The following TMEM127 variants were observed in gnomAD, a reference collection of about 807,000 sequenced individuals.
TMEM127 encodes the protein transmembrane protein 127.
In TMEM127, 21 loss-of-function variants were observed where a neutral mutation model predicts 20.1. The ratio of observed to expected loss-of-function variants is 1.04; its 90% CI spans 0.74 to 1.50. The LOEUF is 1.50. TMEM127 is among the 40% of genes most tolerant of loss of function. The pLI, the probability that TMEM127 is intolerant of heterozygous loss-of-function variation, is 0.00. For missense variants in TMEM127, 303 were observed against 317.4 expected, an observed-to-expected ratio of 0.95 and a Z score of 0.34; for synonymous variants, 150 against 144.7, an observed-to-expected ratio of 1.04 and a Z score of -0.26.
chr2:96,265,498 G>T lies in TMEM127; in HGVS notation c.-117C>A. The T allele has an allele frequency of 8.0e-7, 1 of 1,248,194 alleles. No individual in the cohort carries two copies. The highest frequency in any genetic ancestry group is 1.0e-6 in the Non-Finnish European group (1 of 993,402). The allele number at this position is 1,248,194 out of a possible 1,614,324, so 77.3% of individuals were successfully genotyped here. ...GCAACGCTCCGGGTTCGCTGCAGGT[G>T]AAGCCGGGACTGGGCTGTCAGGGTT... is the stretch of plus-strand genomic sequence containing the variant. On this transcript the variant is annotated 5_prime_UTR_variant, in exon 2 of 4. Transcript: ENST00000258439.
chr2:96,255,838 G>A (rs575251599), intron 2 of TMEM127, among the ~76,000 whole-genome samples: 1 of 152,006 alleles, frequency 6.6e-6, no homozygotes, highest in Non-Finnish European at 1.5e-5. Flanking sequence ...AAATTAGCTG[G>A]GCATGGTGGC....
chr2:96,263,823 G>GT (rs1348595320), intron 2 of TMEM127, among the ~76,000 whole-genome samples: 1 of 152,118 alleles, frequency 6.6e-6, no homozygotes, highest in Non-Finnish European at 1.5e-5. Context: ...TGGTGGGAAG[G>GT]TGGTATGTGT....
intron 2 of TMEM127, among the ~76,000 whole-genome samples, chr2:96,264,058 C>G (rs1684364157): frequency 6.6e-6 from 1 of 152,212 alleles, no homozygotes; most frequent in African/African-American, 2.4e-5. Flanking sequence ...CAAAATCACC[C>G]TACAGCTTCT....
rs1573969123 is a variant in TMEM127, at chr2:96,253,941, A to G, written c.584T>C (p.Leu195Pro). Residue 195 changes from leucine (L) to proline (P), a missense_variant, in exon 4 of 4, where the codon CTC becomes CCC. Transcript: ENST00000258439. This position sits in a 1 kb window ranked among gnomAD's most constrained non-coding sequence, Gnocchi z 4.3. Reference sequence around the variant, plus strand: ...TTCCTCTGTGGGGTAGTGGCGCAGGAGGTTGGCTGCCGTGGCCAGGATTGA... The same window carrying G: ...TTCCTCTGTGGGGTAGTGGCGCAGGGGGTTGGCTGCCGTGGCCAGGATTGA... ...GASILATAAN[L>P]LRHYPTEEEE... is the part of the protein sequence containing the mutation. 1.2e-6 allele frequency: 2 copies of G among 1,613,952 alleles called. No individual in the cohort carries two copies. The highest frequency in any genetic ancestry group is 1.7e-6 in the Non-Finnish European group (2 of 1,179,910).
In TMEM127 at chr2:96,251,306, T is replaced by C; in HGVS notation, c.*2502A>G. ...GCCAAGGTGGGTGGATAACCTGAGGTTAGGAGTTCCAGACCAGCCTGGCCA... is the reference window on the plus strand; with the variant it reads ...GCCAAGGTGGGTGGATAACCTGAGGCTAGGAGTTCCAGACCAGCCTGGCCA... On this transcript the variant is annotated 3_prime_UTR_variant, in exon 4 of 4. Coordinates refer to ENST00000258439, the MANE Select transcript of TMEM127 (RefSeq NM_017849.4). 1 of 197,708 alleles carries C rather than the reference T, an allele frequency of 5.1e-6. No individual in the cohort carries two copies. The highest frequency in any genetic ancestry group is 6.1e-5 in the Admixed American group (1 of 16,520). The allele number at this position is 197,708 out of a possible 1,614,324, so 12.2% of individuals were successfully genotyped here. A position where few individuals can be genotyped will look rare whatever the true frequency, so the allele number is the denominator to read the frequency against.
At position 96,265,252 on chromosome 2, in the gene TMEM127, G is replaced by T. The variant is rs754493061; in HGVS notation, c.130C>A (p.Leu44Met). ...GCGGGCTCGGCGAGGGCAGTGCACAGCGCCGTGATAGACAGGGCGCCAGGC... is the reference window on the plus strand; with the variant it reads ...GCGGGCTCGGCGAGGGCAGTGCACATCGCCGTGATAGACAGGGCGCCAGGC... ...ALPGALSITA[L>M]CTALAEPAWL... The change falls in exon 2 of 4, where the codon CTG (leucine) becomes ATG (methionine). Residue 44 changes from leucine to methionine, a missense_variant. Transcript: ENST00000258439. 1 of 1,592,946 alleles carries T rather than the reference G, an allele frequency of 6.3e-7. No homozygotes were observed.
Position 96,265,179 on chromosome 2 carries a change from A to AC in TMEM127, c.202dup (p.Val68GlyfsTer40), listed in dbSNP as rs1684388744. ...GTGCACATAGCCCAACACGTCGGAG[A>AC]CCCCCAGCTCCTGGCGCGAACAGGT... On this transcript the variant is annotated frameshift_variant, in exon 2 of 4. Coordinates refer to ENST00000258439, the MANE Select transcript of TMEM127 (RefSeq NM_017849.4). LOFTEE classifies it high-confidence loss of function. 4 of 1,610,636 alleles carry AC rather than the reference A, an allele frequency of 2.5e-6. No homozygotes were observed. Among genetic ancestry groups the AC allele is most frequent in the Non-Finnish European group, 3.4e-6 (4 of 1,179,348 alleles).
At position 96,253,244 on chromosome 2, in the gene TMEM127, T is replaced by A. The variant is rs988323352; in HGVS notation, c.*564A>T. 8.5e-6 allele frequency: 2 copies of A among 234,578 alleles called. No homozygotes were observed. The highest frequency in any genetic ancestry group is 3.6e-4 in the South Asian group (2 of 5,578). 14.5% of individuals were successfully genotyped at this position (234,578 alleles called of 1,614,324 possible). On this transcript the variant is annotated 3_prime_UTR_variant, in exon 4 of 4. Coordinates refer to ENST00000258439, the MANE Select transcript of TMEM127 (RefSeq NM_017849.4). This position sits in a 1 kb window ranked among gnomAD's most constrained non-coding sequence, Gnocchi z 4.3. ...CTGCCTTCCCAACAGCGATTCCCTC[T>A]CCCCATAAAACCAGGGCACACGTGA...
chr2:96,259,700 A>G (rs182183756), intron 2 of TMEM127, among the ~76,000 whole-genome samples: 10 of 152,320 alleles, frequency 6.6e-5, no homozygotes, highest in Non-Finnish European at 1.2e-4. Flanking sequence ...TCCTAGCTCT[A>G]GCAGAGACTG....
intron 2 of TMEM127, among the ~76,000 whole-genome samples, chr2:96,256,438 G>A (rs1415895352): frequency 1.3e-5 from 2 of 151,622 alleles, no homozygotes; most frequent in South Asian, 2.1e-4. Flanking sequence ...GGGCGTGGTG[G>A]TGCATGCCTG....
At position 96,253,792 on chromosome 2, in the gene TMEM127, G is replaced by C. The variant is rs1251288941; in HGVS notation, c.*16C>G. The C allele has an allele frequency of 7.5e-6, 12 of 1,598,156 alleles. No individual in the cohort carries two copies. Among genetic ancestry groups the C allele is most frequent in the Middle Eastern group, 1.7e-4 (1 of 5,970 alleles). On this transcript the variant is annotated 3_prime_UTR_variant, in exon 4 of 4. Transcript: ENST00000258439. The surrounding 1 kb of genome is among the most constrained non-coding windows in gnomAD (Gnocchi z 4.3). ...TTGAGGGAGGGGCTGCCGAGGAAGAGAGCCCAGGGCTGGCATTAGGGTGTG... is the reference window on the plus strand; with the variant it reads ...TTGAGGGAGGGGCTGCCGAGGAAGACAGCCCAGGGCTGGCATTAGGGTGTG...
intron 2 of TMEM127, among the ~76,000 whole-genome samples, chr2:96,260,030 C>T (rs1684283541): frequency 6.6e-6 from 1 of 152,246 alleles, no homozygotes; most frequent in African/African-American, 2.4e-5. Flanking sequence ...GACTTTTGAC[C>T]TAAAACTCCA....
chr2:96,250,482 C>T lies in TMEM127; in HGVS notation c.*3326G>A, dbSNP rs1219910114. On this transcript the variant is annotated 3_prime_UTR_variant, in exon 4 of 4. Coordinates refer to ENST00000258439, the MANE Select transcript of TMEM127 (RefSeq NM_017849.4). ...TCTCCTGAACTAAGGACATAAAATC[C>T]TTGCAGACAGGGTCCTGTCCGTCAC... is the stretch of plus-strand genomic sequence containing the variant. 2 of 232,858 alleles carry T rather than the reference C, an allele frequency of 8.6e-6. No homozygotes were observed. The highest frequency in any genetic ancestry group is 2.2e-5 in the African/African-American group (1 of 45,334). The allele number at this position is 232,858 out of a possible 1,614,324, so 14.4% of individuals were successfully genotyped here.
intron 2 of TMEM127, among the ~76,000 whole-genome samples, chr2:96,262,868 G>A (rs1684336788): frequency 1.3e-5 from 2 of 152,058 alleles, no homozygotes; most frequent in South Asian, 4.1e-4. Context: ...TAGTTGAGAT[G>A]GGGTTTCACC....
At chr2:96,255,964 C>T (rs773144967) in intron 2 of TMEM127, among the ~76,000 whole-genome samples, 1 of 151,702 alleles carries the variant, frequency 6.6e-6, no homozygotes, top group Non-Finnish European at 1.5e-5. Context: ...CCGAGAGAGA[C>T]CCTGTCTCTT....
At chr2:96,257,138 A>G (rs1441836127) in intron 2 of TMEM127, among the ~76,000 whole-genome samples, 1 of 152,212 alleles carries the variant, frequency 6.6e-6, no homozygotes, top group Non-Finnish European at 1.5e-5. Flanking sequence ...TCCCTCCAGT[A>G]CTTTAGCCAT....
In TMEM127 at chr2:96,252,454, A is replaced by G. The variant is rs1038502463; in HGVS notation, c.*1354T>C. 1 of 233,720 alleles carries G rather than the reference A, an allele frequency of 4.3e-6. No homozygotes were observed. The highest frequency in any genetic ancestry group is 6.0e-5 in the East Asian group (1 of 16,612). 14.5% of individuals were successfully genotyped at this position (233,720 alleles called of 1,614,324 possible). ...CTTTATGCCCAGATCTCAGGGCAGA[A>G]AATTCAGCCAGACCCAGAGCAAACA... On this transcript the variant is annotated 3_prime_UTR_variant, in exon 4 of 4. Coordinates refer to ENST00000258439, the MANE Select transcript of TMEM127 (RefSeq NM_017849.4). This position sits in a 1 kb window ranked among gnomAD's most constrained non-coding sequence, Gnocchi z 4.2.
In TMEM127 at chr2:96,248,790, AG is replaced by A. The variant is rs1558749322; in HGVS notation, c.*5017del. ...CCCTGCACCTTCAGGCCCCATTCTCAGACACCTGTACAACCCCTTAAGCCAG... is the reference window on the plus strand; with the variant it reads ...CCCTGCACCTTCAGGCCCCATTCTCAACACCTGTACAACCCCTTAAGCCAG... On this transcript the variant is annotated 3_prime_UTR_variant, in exon 4 of 4. Transcript: ENST00000258439. 2 of 231,666 alleles carry A rather than the reference AG, an allele frequency of 8.6e-6. No individual in the cohort carries two copies. The highest frequency in any genetic ancestry group is 1.7e-5 in the Non-Finnish European group (2 of 117,114). 14.4% of individuals were successfully genotyped at this position (231,666 alleles called of 1,614,324 possible). A position where few individuals can be genotyped will look rare whatever the true frequency, so the allele number is the denominator to read the frequency against.
At position 96,265,424 on chromosome 2, in the gene TMEM127, C is replaced by T. The variant is rs928024195; in HGVS notation, c.-43G>A. The T allele has an allele frequency of 8.3e-6, 11 of 1,320,956 alleles. No homozygotes were observed. The highest frequency in any genetic ancestry group is 7.8e-5 in the Admixed American group (2 of 25,620). The allele number at this position is 1,320,956 out of a possible 1,614,324, so 81.8% of individuals were successfully genotyped here. On this transcript the variant is annotated 5_prime_UTR_variant, in exon 2 of 4. Coordinates refer to ENST00000258439, the MANE Select transcript of TMEM127 (RefSeq NM_017849.4). ...GTCGCTCCGCAGTCGCTGCTGGTCG[C>T]CGCCGACCTCCGCGGGGCGCGCAGA... is the stretch of plus-strand genomic sequence containing the variant.
Sources: gnomAD v4.1 joint callset for allele counts (sites outside exome capture counted in the v4.1 genomes callset) on GRCh38, gnomAD v4.1.1 for gene constraint, Gnocchi (gnomAD v3.1) non-coding constraint, MANE v1.5 for transcripts, NCBI Gene and HGNC (gene_info 2026-07-23, HGNC 2026-07-21) for gene names.